MYO9A: variants seen among roughly 807,000 people sequenced by gnomAD.
MYO9A encodes myosin IXA.
MYO9A carries 103 observed loss-of-function variants against 293.3 expected under a neutral mutation model. The observed-to-expected ratio is 0.35, with a 90% CI of 0.30 to 0.41. The LOEUF is 0.41. Ranked by LOEUF, MYO9A falls within the 10% of genes least tolerant of loss-of-function variation. The pLI, the probability that MYO9A is intolerant of heterozygous loss-of-function variation, is 1.00. For synonymous variants in MYO9A, 1,001 were observed against 1,035.7 expected (o/e 0.97, Z 0.64); for missense variants, 2,685 against 3,033.0 (o/e 0.89, Z 2.69).
At chr15:72,052,519 C>T (rs2078596810) in intron 1 of MYO9A, among the ~76,000 whole-genome samples, 1 of 152,202 alleles carries the variant, frequency 6.6e-6, no homozygotes, top group Admixed American at 6.5e-5. Flanking sequence ...TTGTTCGTCC[C>T]ATTGTAGGCA....
chr15:71,849,653 A>G (rs1221023888), intron 38 of MYO9A, among the ~76,000 whole-genome samples: 2 of 151,092 alleles, frequency 1.3e-5, no homozygotes, highest in Non-Finnish European at 3.0e-5. Context: ...CAGAGCCTCA[A>G]GAAAAAAGAC....
chr15:71,876,154 T>C (rs1177279651), intron 31 of MYO9A, among the ~76,000 whole-genome samples: 2 of 151,870 alleles, frequency 1.3e-5, no homozygotes, highest in African/African-American at 4.8e-5. Context: ...ATTGATTTTT[T>C]TTTTTTTTTG....
chr15:71,927,195 A>T (rs2058335495), intron 18 of MYO9A, among the ~76,000 whole-genome samples: 1 of 152,148 alleles, frequency 6.6e-6, no homozygotes, highest in African/African-American at 2.4e-5. Context: ...GCTATTTTTA[A>T]ATTAAATTAT....
intron 32 of MYO9A, among the ~76,000 whole-genome samples, chr15:71,869,799 C>T (rs2142034268): frequency 6.6e-6 from 1 of 152,220 alleles, no homozygotes; most frequent in Middle Eastern, 3.4e-3. Flanking sequence ...AGTAGTGTAG[C>T]AGGGACCATG....
intron 15 of MYO9A, among the ~76,000 whole-genome samples, chr15:71,951,277 T>C (rs2059044070): frequency 6.6e-6 from 1 of 152,144 alleles, no homozygotes; most frequent in African/African-American, 2.4e-5. Context: ...TCATCCAGAT[T>C]TAGAAAGGGC....
intron 25 of MYO9A, among the ~76,000 whole-genome samples, chr15:71,894,305 A>C (rs889942216): frequency 4.6e-5 from 7 of 152,144 alleles, no homozygotes; most frequent in Non-Finnish European, 1.0e-4. Flanking sequence ...GGCTGGGTGC[A>C]GTGGCTCATG....
intron 30 of MYO9A, among the ~76,000 whole-genome samples, chr15:71,878,612 G>T (rs2056767891): frequency 6.6e-6 from 1 of 151,912 alleles, no homozygotes; most frequent in Non-Finnish European, 1.5e-5. Flanking sequence ...ATGAATACTT[G>T]AATCATTGCC....
At chr15:71,906,006 C>T (rs959912482) in intron 19 of MYO9A, among the ~76,000 whole-genome samples, 3 of 151,928 alleles carry the variant, frequency 2.0e-5, no homozygotes, top group Non-Finnish European at 4.4e-5. Context: ...TATAAATTAA[C>T]CTTGGAGCAC....
intron 1 of MYO9A, among the ~76,000 whole-genome samples, chr15:72,073,953 A>G (rs1472554856): frequency 6.6e-6 from 1 of 152,164 alleles, no homozygotes; most frequent in Non-Finnish European, 1.5e-5. Context: ...TTTTCTCTAT[A>G]AAGGGCCAGA....
intron 1 of MYO9A, among the ~76,000 whole-genome samples, chr15:72,083,648 G>C (rs1596535118): frequency 6.6e-6 from 1 of 152,144 alleles, no homozygotes; most frequent in South Asian, 2.1e-4. Context: ...ACTTAGTGCT[G>C]TAAGTTTTCC....
chr15:72,045,660 A>ACC, intron 2 of MYO9A, 64 bp downstream of exon 2: 1 of 1,478,508 alleles, frequency 6.8e-7, no homozygotes, highest in Non-Finnish European at 9.0e-7. Context: ...GGAATGGTAC[A>ACC]CCCCCCCACC....
At chr15:71,862,929 CTTTT>C (rs71131712) in intron 32 of MYO9A, among the ~76,000 whole-genome samples, 12 of 130,140 alleles carry the variant, frequency 9.2e-5, no homozygotes, top group African/African-American at 2.9e-4. Context: ...CTTTTTTTGG[CTTTT>C]TTTTTTTTTT....
At chr15:71,982,005 ATTTTTTTT>A (rs750930471) in intron 11 of MYO9A, among the ~76,000 whole-genome samples, 16 of 56,314 alleles carry the variant, frequency 2.8e-4, no homozygotes, top group South Asian at 9.8e-4. Flanking sequence ...CCTATTTAGA[ATTTTTTTT>A]TTTTTTTTTT....
At chr15:72,032,976 G>C (rs1012102937) in intron 2 of MYO9A, among the ~76,000 whole-genome samples, 1 of 151,916 alleles carries the variant, frequency 6.6e-6, no homozygotes, top group Non-Finnish European at 1.5e-5. Context: ...TCAGCCTCCC[G>C]AGTAGCTGGG....
Position 71,879,753 on chromosome 15 carries a change from T to A in MYO9A, c.5707A>T (p.Asn1903Tyr), listed in dbSNP as rs1384265399. ...FKKALKEFRQ[N>Y]IFSFYSSALA... Reference sequence around the variant, plus strand: ...GCAGATGAATAAAAGCTGAAGATATTCTGCCGAAATTCCTTCAGGGCTTTT... The same window carrying A: ...GCAGATGAATAAAAGCTGAAGATATACTGCCGAAATTCCTTCAGGGCTTTT... The change falls in exon 30 of 42, where the codon AAT (asparagine) becomes TAT (tyrosine). Residue 1903 changes from asparagine (N) to tyrosine (Y), a missense_variant. This residue lies in a region of MYO9A where 1,434 missense variants were observed against 1,497.7 expected (regional missense o/e 0.96). Coordinates refer to ENST00000356056, the MANE Select transcript of MYO9A (RefSeq NM_006901.4). The A allele has an allele frequency of 6.2e-7, 1 of 1,613,290 alleles. No homozygotes were observed. Among genetic ancestry groups the A allele is most frequent in the Non-Finnish European group, 8.5e-7 (1 of 1,179,454 alleles).
At chr15:71,955,586 T>C (rs1275259722) in intron 14 of MYO9A, among the ~76,000 whole-genome samples, 2 of 152,224 alleles carry the variant, frequency 1.3e-5, no homozygotes, top group Non-Finnish European at 2.9e-5. Context: ...TATCACAATT[T>C]GGTCATCCAT....
chr15:71,932,806 C>T (rs2058514727), intron 18 of MYO9A, among the ~76,000 whole-genome samples: 5 of 152,056 alleles, frequency 3.3e-5, no homozygotes, highest in South Asian at 2.1e-4. Context: ...GATTCATTCA[C>T]GTTGTTACAC....
intron 12 of MYO9A, among the ~76,000 whole-genome samples, chr15:71,975,713 A>G (rs537278630): frequency 2.0e-5 from 3 of 152,238 alleles, no homozygotes; most frequent in African/African-American, 7.2e-5. Flanking sequence ...CTGCACAGAG[A>G]GGCCAAGAAG....
chr15:72,056,530 G>A (rs754021606), intron 1 of MYO9A, among the ~76,000 whole-genome samples: 2 of 152,246 alleles, frequency 1.3e-5, no homozygotes, highest in Non-Finnish European at 2.9e-5. Context: ...ATAAGCAGGA[G>A]CTAAGCTATG....
Sources: allele counts gnomAD v4.1 joint callset (sites outside exome capture counted in the v4.1 genomes callset), GRCh38; gene constraint gnomAD v4.1.1; regional missense constraint gnomAD v4.1.1; transcripts MANE v1.5; gene names NCBI Gene and HGNC (gene_info 2026-07-23, HGNC 2026-07-21).